TBC1D1: variants seen among roughly 807,000 people sequenced by gnomAD.
TBC1D1 encodes TBC1 (tre-2/USP6, BUB2, cdc16) domain family, member 1.
In TBC1D1, 89 loss-of-function variants were observed where a neutral mutation model predicts 125.6. The ratio of observed to expected loss-of-function variants is 0.71; its 90% CI spans 0.60 to 0.85. TBC1D1 has a LOEUF of 0.85. Ranked by LOEUF, TBC1D1 falls within the 40% of genes least tolerant of loss-of-function variation. The pLI, the probability that TBC1D1 is intolerant of heterozygous loss-of-function variation, is 0.00. For missense variants in TBC1D1, 1,377 were observed against 1,469.2 expected (o/e 0.94, Z 1.03); for synonymous variants, 565 against 564.1 (o/e 1.00, Z -0.02).
chr4:37,908,037 A>G (rs16994065), intron 2 of TBC1D1, among the ~76,000 whole-genome samples: 8,026 of 152,168 alleles, frequency 0.053, 373 homozygotes, highest in African/African-American at 0.12. Context: ...CTGACATTAC[A>G]TGGTGCTGTT....
intron 7 of TBC1D1, among the ~76,000 whole-genome samples, chr4:38,028,127 AAAC>A (rs1454274582): frequency 6.9e-6 from 1 of 144,550 alleles, no homozygotes; most frequent in African/African-American, 2.9e-5. Context: ...ACAAACAAAC[AAAC>A]AAAAAAAACA....
Position 38,014,467 on chromosome 4 carries a change from C to A in TBC1D1, c.418-42C>A. The A allele has an allele frequency of 6.3e-7, 1 of 1,580,612 alleles. No individual in the cohort carries two copies. Reference sequence around the variant, plus strand: ...GTGCATTCATTCCGTGAGTGCCAGCCACACTGCATGTTCCAAATAACACGC... The same window carrying A: ...GTGCATTCATTCCGTGAGTGCCAGCAACACTGCATGTTCCAAATAACACGC... On this transcript the variant is annotated intron_variant, in intron 2 of 19. Transcript: ENST00000261439. The surrounding 1 kb of genome is among the most constrained non-coding windows in gnomAD (Gnocchi z 5.1).
intron 18 of TBC1D1, among the ~76,000 whole-genome samples, chr4:38,130,556 A>G (rs1241869882): frequency 2.6e-5 from 4 of 152,210 alleles, no homozygotes; most frequent in Admixed American, 6.5e-5. Flanking sequence ...CCCAGTAATT[A>G]CAACTCTAGT....
intron 17 of TBC1D1, 142 bp downstream of exon 19, chr4:38,118,334 C>A: frequency 9.6e-7 from 1 of 1,040,666 alleles, no homozygotes; most frequent in Non-Finnish European, 1.4e-6. Flanking sequence ...TAAGATTAGT[C>A]AGGGGTGGGT....
At chr4:38,037,379 C>T (rs1285075650) in intron 8 of TBC1D1, among the ~76,000 whole-genome samples, 1 of 151,622 alleles carries the variant, frequency 6.6e-6, no homozygotes. Flanking sequence ...GGTTTCTAAA[C>T]ATCATGAACC....
intron 2 of TBC1D1, among the ~76,000 whole-genome samples, chr4:37,964,485 G>C (rs1257962810): frequency 4.6e-5 from 7 of 152,202 alleles, no homozygotes; most frequent in Non-Finnish European, 1.5e-5. Flanking sequence ...GAATTTCCTA[G>C]GCACTGAGGT....
At chr4:38,090,609 A>G (rs929528310) in intron 13 of TBC1D1, among the ~76,000 whole-genome samples, 1 of 152,230 alleles carries the variant, frequency 6.6e-6, no homozygotes, top group Non-Finnish European at 1.5e-5. Context: ...ACTGATATCA[A>G]TAGTGTCAAA....
At chr4:38,001,045 T>C (rs1578216678) in intron 2 of TBC1D1, among the ~76,000 whole-genome samples, 1 of 151,950 alleles carries the variant, frequency 6.6e-6, no homozygotes, top group Middle Eastern at 3.4e-3. Flanking sequence ...ACGGTGAAAC[T>C]CCGTCTCTAC....
chr4:37,972,293 C>T (rs2152346836), intron 2 of TBC1D1, among the ~76,000 whole-genome samples: 1 of 150,344 alleles, frequency 6.7e-6, no homozygotes, highest in Non-Finnish European at 1.5e-5. Context: ...AGTAGCCTGA[C>T]CAACATGGAG....
chr4:38,019,900 A>C (rs1159753311), intron 4 of TBC1D1, among the ~76,000 whole-genome samples: 1 of 152,120 alleles, frequency 6.6e-6, no homozygotes. Context: ...TATATTTTAA[A>C]TATTTTTTTA....
intron 2 of TBC1D1, among the ~76,000 whole-genome samples, chr4:37,926,535 C>T (rs1261901183): frequency 1.3e-5 from 2 of 152,224 alleles, no homozygotes; most frequent in African/African-American, 4.8e-5. Context: ...CTTTTTGAGG[C>T]TTCCCTTCCT....
rs1749345429 is a variant in TBC1D1, at chr4:38,045,885, A to C, written c.1611A>C (p.Thr537=). The C allele has an allele frequency of 1.2e-6, 2 of 1,614,036 alleles. No individual in the cohort carries two copies. Among genetic ancestry groups the C allele is most frequent in the Non-Finnish European group, 1.7e-6 (2 of 1,179,994 alleles). The change falls in exon 10 of 20, where the codon ACA becomes ACC. Residue 537 remains threonine, a synonymous_variant. Transcript: ENST00000261439. ...ATCTGGATAGCTCCCTGTCTAGTAC[A>C]TTAAGTAACACCAGCAAAGTAAGCA...
At chr4:37,962,140 C>T (rs977386818) in intron 2 of TBC1D1, among the ~76,000 whole-genome samples, 1 of 152,196 alleles carries the variant, frequency 6.6e-6, no homozygotes, top group African/African-American at 2.4e-5. Context: ...TATCTTGGAG[C>T]TGATTCTGTG....
intron 2 of TBC1D1, among the ~76,000 whole-genome samples, chr4:37,948,787 C>T (rs1291733504): frequency 6.6e-6 from 1 of 152,198 alleles, no homozygotes; most frequent in African/African-American, 2.4e-5. Context: ...TCCTCCCTTA[C>T]TTCTTCAGCC....
At chr4:37,996,024 G>T in intron 2 of TBC1D1, 1 of 519,652 alleles carries the variant, frequency 1.9e-6, no homozygotes, top group Non-Finnish European at 3.9e-6. Flanking sequence ...GTCCAGTGGG[G>T]CCCGGAGGGA....
chr4:37,940,181 T>C (rs1436818992), intron 2 of TBC1D1, among the ~76,000 whole-genome samples: 1 of 152,254 alleles, frequency 6.6e-6, no homozygotes, highest in East Asian at 1.9e-4. Flanking sequence ...CATTTGTTTG[T>C]GTCCTCTTTT....
chr4:38,087,852 A>G (rs1169997785), intron 12 of TBC1D1, among the ~76,000 whole-genome samples: 1 of 136,076 alleles, frequency 7.3e-6, no homozygotes, highest in Non-Finnish European at 1.6e-5. Context: ...TCTCAAAAAA[A>G]AAAAAAAAAA....
At chr4:38,089,143 G>A (rs1758018464) in intron 12 of TBC1D1, among the ~76,000 whole-genome samples, 1 of 152,184 alleles carries the variant, frequency 6.6e-6, no homozygotes, top group South Asian at 2.1e-4. Context: ...GAATCAGGAA[G>A]ACATGAGTTA....
chr4:37,993,104 TGGTGATTCTTTAAATA>T lies in TBC1D1; in HGVS notation c.418-21397_418-21382del, dbSNP rs552851732. ...CAGGCGTGAGCCACCGCGCCCGGCC[TGGTGATTCTTTAAATA>T]GGTGATTGGAAATGTTAGCGAAGTT... On this transcript the variant is annotated intron_variant, in intron 2 of 19. Coordinates refer to ENST00000261439, the MANE Select transcript of TBC1D1 (RefSeq NM_015173.4). Among the ~76,000 whole-genome samples, 550 of 152,016 alleles carry T rather than the reference TGGTGATTCTTTAAATA, an allele frequency of 3.6e-3. 2 individuals are homozygous for T. Among genetic ancestry groups the T allele is most frequent in the South Asian group, 0.023 (109 of 4,808 alleles).
Sources: allele counts gnomAD v4.1 joint callset (sites outside exome capture counted in the v4.1 genomes callset), GRCh38; gene constraint gnomAD v4.1.1; non-coding constraint Gnocchi (gnomAD v3.1); transcripts MANE v1.5; gene names NCBI Gene and HGNC (gene_info 2026-07-23, HGNC 2026-07-21).